CHFR: variants seen among roughly 807,000 people sequenced by gnomAD.
CHFR encodes the protein E3 ubiquitin-protein ligase CHFR.
A neutral mutation model predicts 87.6 loss-of-function variants in CHFR; 57 were observed. The ratio of observed to expected loss-of-function variants is 0.65; its 90% CI spans 0.53 to 0.81. CHFR has a LOEUF of 0.81. Among genes scored for constraint, CHFR ranks in the 30% least tolerant of loss-of-function variants. The pLI is 0.00. For missense variants in CHFR, 797 were observed against 865.8 expected (o/e 0.92, Z 1.00); for synonymous variants, 381 against 359.2 (o/e 1.06, Z -0.69).
At chr12:132,867,966 A>AT (rs1289349424) in intron 6 of CHFR, 6 of 151,982 alleles carry the variant, frequency 3.9e-5, no homozygotes, top group South Asian at 4.2e-4. Flanking sequence ...AATTAAAAAA[A>AT]AATAATATGT....
intron 6 of CHFR, chr12:132,862,245 A>G: frequency 4.1e-6 from 1 of 245,266 alleles, no homozygotes; most frequent in Non-Finnish European, 8.2e-6. Flanking sequence ...ACTGCACTCC[A>G]GCCTGGGCAA....
At chr12:132,859,355 G>T in intron 7 of CHFR, 128 bp from the exon 8 acceptor site, 2 of 918,556 alleles carry the variant, frequency 2.2e-6, no homozygotes, top group Non-Finnish European at 3.3e-6. Flanking sequence ...AATACATGCA[G>T]TCTTTTTTTT....
intron 3 of CHFR, among the ~76,000 whole-genome samples, chr12:132,876,793 A>T (rs1195529407): frequency 1.3e-5 from 2 of 152,028 alleles, no homozygotes; most frequent in African/African-American, 4.8e-5. Context: ...CAGATAATAA[A>T]CTTTTGTTTC....
chr12:132,857,392 T>C lies in CHFR; in HGVS notation c.1066+13A>G. The C allele has an allele frequency of 6.2e-7, 1 of 1,613,238 alleles. No homozygotes were observed. On this transcript the variant is annotated intron_variant, in intron 9 of 17. Coordinates refer to ENST00000450056, the MANE Select transcript of CHFR (RefSeq NM_001161346.2). ...TCACGTGCCCGGGTGCTGGTGTGGA[T>C]GCCCTCACTTGCCTGGATGCTGGAT...
chr12:132,881,428 C>G (rs1217698187), intron 2 of CHFR, among the ~76,000 whole-genome samples: 1 of 152,096 alleles, frequency 6.6e-6, no homozygotes, highest in Non-Finnish European at 1.5e-5. Flanking sequence ...AATAATGCAA[C>G]TTAAAACAAT....
At chr12:132,864,975 G>T (rs1951301447) in intron 6 of CHFR, among the ~76,000 whole-genome samples, 1 of 152,210 alleles carries the variant, frequency 6.6e-6, no homozygotes, top group African/African-American at 2.4e-5. Flanking sequence ...GAGCTATTTT[G>T]TGTTTGATTT....
At position 132,861,510 on chromosome 12, in the gene CHFR, C is replaced by A. The variant is rs761615752; in HGVS notation, c.708G>T (p.Gln236His). Residue 236 changes from glutamine to histidine, a missense_variant, in exon 7 of 18, where the codon CAG becomes CAT. By Grantham distance (24) the Gln-to-His change is conservative (BLOSUM62 0). Coordinates refer to ENST00000450056, the MANE Select transcript of CHFR (RefSeq NM_001161346.2). ...TCACGGGCTCCAAATCCTCCTGATC[C>A]TGGGGTTCCAACGACGAAAAGGACG... ...KTASFSSLEP[Q>H]DQEDLEPVKK... 6.2e-7 allele frequency: 1 copy of A among 1,614,220 alleles called. No homozygotes were observed. Among genetic ancestry groups the A allele is most frequent in the South Asian group, 1.1e-5 (1 of 91,090 alleles).
chr12:132,886,126 A>G (rs1307850309), intron 2 of CHFR, among the ~76,000 whole-genome samples: 2 of 152,148 alleles, frequency 1.3e-5, no homozygotes, highest in Admixed American at 6.5e-5. Context: ...AGCCTGGGCA[A>G]TATGGCGAAA....
chr12:132,868,434 GGAGCTTGCAGT>G (rs1566194979), intron 6 of CHFR, among the ~76,000 whole-genome samples: 1 of 152,018 alleles, frequency 6.6e-6, no homozygotes, highest in East Asian at 1.9e-4. Flanking sequence ...CGTGGGAGGC[GGAGCTTGCAGT>G]GAGCCGAGAT....
intron 16 of CHFR, 95 bp downstream of exon 16, chr12:132,843,932 A>G (rs1293045873): frequency 8.0e-6 from 6 of 745,616 alleles, no homozygotes; most frequent in Admixed American, 2.2e-5. Context: ...CTGGGCAAAA[A>G]CAGCGAAACT....
intron 10 of CHFR, among the ~76,000 whole-genome samples, chr12:132,855,263 G>GA (rs1951041079): frequency 6.8e-6 from 1 of 147,688 alleles, no homozygotes; most frequent in Non-Finnish European, 1.5e-5. Context: ...AAAAAGAAAA[G>GA]AAAAAAAAAT....
chr12:132,878,225 C>A (rs1048598896), intron 2 of CHFR, among the ~76,000 whole-genome samples: 55 of 152,216 alleles, frequency 3.6e-4, no homozygotes, highest in African/African-American at 1.3e-3. Flanking sequence ...AAACCCAGCA[C>A]TTTGAGAAGC....
At chr12:132,878,628 G>A (rs1346018450) in intron 2 of CHFR, among the ~76,000 whole-genome samples, 2 of 151,798 alleles carry the variant, frequency 1.3e-5, no homozygotes, top group Non-Finnish European at 2.9e-5. Context: ...GACCATCCTG[G>A]CTAACACAGT....
intron 2 of CHFR, among the ~76,000 whole-genome samples, chr12:132,878,024 G>C (rs1159705777): frequency 2.0e-5 from 3 of 152,076 alleles, no homozygotes; most frequent in South Asian, 4.1e-4. Flanking sequence ...GGATGGTCTC[G>C]ATCTTTTGAC....
chr12:132,867,737 G>A (rs1411683370), intron 6 of CHFR: 1 of 152,152 alleles, frequency 6.6e-6, no homozygotes, highest in African/African-American at 2.4e-5. Flanking sequence ...GAACGCGAGA[G>A]CCAAGCACTC....
At chr12:132,863,201 T>A (rs1248435341) in intron 6 of CHFR, among the ~76,000 whole-genome samples, 3 of 138,420 alleles carry the variant, frequency 2.2e-5, no homozygotes, top group African/African-American at 7.8e-5. Flanking sequence ...CGGCCTGACC[T>A]CATTTCTTAA....
In CHFR at chr12:132,856,397, T is replaced by G. The variant is rs1333657607; in HGVS notation, c.1229+71A>C. ...AGGACCCATGCTGTCCACCCAGTAG[T>G]GAGCTCTCGGTCACGGTTGTGATGC... On this transcript the variant is annotated intron_variant, in intron 10 of 17. Transcript: ENST00000450056. 9 of 1,533,314 alleles carry G rather than the reference T, an allele frequency of 5.9e-6. No individual in the cohort carries two copies. In the Admixed American group the frequency reaches 6.7e-5, roughly 11 times the overall value. 95.0% of individuals were successfully genotyped at this position (1,533,314 alleles called of 1,614,324 possible). A position where few individuals can be genotyped will look rare whatever the true frequency, so the allele number is the denominator to read the frequency against.
intron 10 of CHFR, chr12:132,854,483 G>A (rs1233624182): frequency 6.6e-6 from 1 of 152,188 alleles, no homozygotes; most frequent in African/African-American, 2.4e-5. Flanking sequence ...TCAAACGCTG[G>A]GGACATTACC....
chr12:132,884,895 T>C (rs1224549882), intron 2 of CHFR, among the ~76,000 whole-genome samples: 1 of 152,072 alleles, frequency 6.6e-6, no homozygotes, highest in Non-Finnish European at 1.5e-5. Context: ...GAGACCAGCC[T>C]GGGCAACACA....
Sources: gnomAD v4.1 joint callset for allele counts (sites outside exome capture counted in the v4.1 genomes callset) on GRCh38, gnomAD v4.1.1 for gene constraint, MANE v1.5 for transcripts, NCBI Gene and HGNC (gene_info 2026-07-23, HGNC 2026-07-21) for gene names.